CRISPLD1: variants seen among roughly 807,000 people sequenced by gnomAD.
CRISPLD1 encodes the protein cysteine-rich secretory protein LCCL domain-containing 1.
In CRISPLD1, 60 loss-of-function variants were observed where a neutral mutation model predicts 77.5. The observed-to-expected ratio is 0.77, with a 90% confidence interval of 0.63 to 0.96. The LOEUF (loss-of-function observed/expected upper bound fraction) is 0.96, where lower values mean the gene tolerates loss of function less well. CRISPLD1 is among the 40% of genes least tolerant of loss of function. The pLI, the probability that CRISPLD1 is intolerant of heterozygous loss-of-function variation, is 0.00. For missense variants in CRISPLD1, 623 were observed against 615.8 expected, an observed-to-expected ratio of 1.01 and a Z score of -0.12; for synonymous variants, 195 against 200.1, an observed-to-expected ratio of 0.97 and a Z score of 0.22.
intron 3 of CRISPLD1, 40 bp from the exon 4 acceptor site, chr8:75,012,850 C>A: frequency 6.3e-7 from 1 of 1,575,138 alleles, no homozygotes. Flanking sequence ...GTATTTTCTC[C>A]AACTTTGCTT....
intron 12 of CRISPLD1, among the ~76,000 whole-genome samples, chr8:75,024,175 G>T (rs1813192798): frequency 6.6e-6 from 1 of 152,178 alleles, no homozygotes; most frequent in African/African-American, 2.4e-5. Context: ...TGGGAAAGGA[G>T]TAAGATATAA....
In CRISPLD1 at chr8:75,014,119, C is replaced by G; in HGVS notation, c.626+17C>G. Reference sequence around the variant, plus strand: ...CTCCCCAAAGTGAGTAGACAAAACACTACGTTCAGATGTACATTTTTCTTA... The same window carrying G: ...CTCCCCAAAGTGAGTAGACAAAACAGTACGTTCAGATGTACATTTTTCTTA... On this transcript the variant is annotated intron_variant, in intron 5 of 14. Transcript: ENST00000262207. 1 of 1,446,360 alleles carries G rather than the reference C, an allele frequency of 6.9e-7. No homozygotes were observed. Among genetic ancestry groups the G allele is most frequent in the South Asian group, 1.1e-5 (1 of 87,646 alleles). 89.6% of individuals were successfully genotyped at this position (1,446,360 alleles called of 1,614,324 possible).
Position 74,985,938 on chromosome 8 carries a change from G to A in CRISPLD1, c.-50G>A, listed in dbSNP as rs761140838. ...CATGTCGTTATAGCCAAAAGGAGTG[G>A]AAGAGCCTGTCTTGGAGATTTTCCT... On this transcript the variant is annotated 5_prime_UTR_variant, in exon 2 of 15. Transcript: ENST00000262207. The A allele has an allele frequency of 6.4e-7, 1 of 1,571,226 alleles. No homozygotes were observed. Among genetic ancestry groups the A allele is most frequent in the South Asian group, 1.2e-5 (1 of 84,780 alleles).
intron 12 of CRISPLD1, among the ~76,000 whole-genome samples, chr8:75,024,370 G>T (rs1813197039): frequency 6.6e-6 from 1 of 152,116 alleles, no homozygotes; most frequent in Non-Finnish European, 1.5e-5. Context: ...GTGTTGCCCA[G>T]GCTGGAGTGC....
intron 2 of CRISPLD1, among the ~76,000 whole-genome samples, chr8:74,997,522 G>C (rs538397973): frequency 6.6e-6 from 1 of 152,170 alleles, no homozygotes; most frequent in Admixed American, 6.5e-5. Context: ...TGAGTGGTGG[G>C]ACACAGGTAA....
At chr8:74,998,455 G>A (rs1223280943) in intron 2 of CRISPLD1, among the ~76,000 whole-genome samples, 1 of 152,012 alleles carries the variant, frequency 6.6e-6, no homozygotes, top group African/African-American at 2.4e-5. Flanking sequence ...CTTGGTTGCT[G>A]AGGCAGGTGG....
intron 2 of CRISPLD1, among the ~76,000 whole-genome samples, chr8:75,003,477 A>G (rs544661199): frequency 6.6e-6 from 1 of 152,336 alleles, no homozygotes; most frequent in Admixed American, 6.5e-5. Flanking sequence ...TAAAACATAA[A>G]CTAATTCATA....
intron 6 of CRISPLD1, 86 bp downstream of exon 6, chr8:75,014,998 G>A: frequency 2.6e-6 from 2 of 766,056 alleles, no homozygotes; most frequent in Admixed American, 3.7e-5. Flanking sequence ...AGCCAGAAGT[G>A]CACTTAATGA....
At chr8:75,001,473 T>A (rs1196039362) in intron 2 of CRISPLD1, among the ~76,000 whole-genome samples, 1 of 152,274 alleles carries the variant, frequency 6.6e-6, no homozygotes, top group South Asian at 2.1e-4. Context: ...TAAGTCACAG[T>A]ATGGTAAGAA....
chr8:75,012,965 A>G lies in CRISPLD1; in HGVS notation c.453A>G (p.Glu151=), dbSNP rs769563591. ...ACTTTAGCTACCCATATGAACATGA[A>G]TGCAACCCATATTGTCCATTCAGGT... ...VKDFSYPYEH[E]CNPYCPFRCS... The change falls in exon 4 of 15, where the codon GAA becomes GAG. Residue 151 remains glutamate, a synonymous_variant. Transcript: ENST00000262207. 4.3e-6 allele frequency: 7 copies of G among 1,612,908 alleles called. No homozygotes were observed. The highest frequency in any genetic ancestry group is 1.1e-5 in the South Asian group (1 of 91,020).
chr8:74,988,545 T>C (rs1454324672), intron 2 of CRISPLD1, among the ~76,000 whole-genome samples: 1 of 152,148 alleles, frequency 6.6e-6, no homozygotes, highest in East Asian at 1.9e-4. Flanking sequence ...GGGTTAAAAA[T>C]TGAGTCTGGG....
chr8:75,004,926 C>G (rs1812803160), intron 2 of CRISPLD1, among the ~76,000 whole-genome samples: 1 of 152,018 alleles, frequency 6.6e-6, no homozygotes, highest in African/African-American at 2.4e-5. Context: ...CTGTTTTTAA[C>G]TTTTTATTAA....
chr8:75,016,248 C>A (rs1236398411), intron 6 of CRISPLD1, among the ~76,000 whole-genome samples: 1 of 152,110 alleles, frequency 6.6e-6, no homozygotes, highest in African/African-American at 2.4e-5. Flanking sequence ...CTTATTAGAT[C>A]ACTGTGTAGA....
At position 75,032,668 on chromosome 8, in the gene CRISPLD1, C is replaced by T. The variant is rs1445564794; in HGVS notation, c.*426C>T. 2.6e-5 allele frequency: 4 copies of T among 152,900 alleles called. No homozygotes were observed. The East Asian group carries it at 7.7e-4, about 29-fold the overall frequency. 9.5% of individuals were successfully genotyped at this position (152,900 alleles called of 1,614,324 possible). On this transcript the variant is annotated 3_prime_UTR_variant, in exon 15 of 15. Transcript: ENST00000262207. ...ACTGAAAGAAACCTTATCACATTTT[C>T]CCCAGTTCAATGCTATGCCATTACC...
chr8:75,025,658 G>GTA (rs760238731), intron 13 of CRISPLD1, 37 bp downstream of exon 13: 3 of 1,036,668 alleles, frequency 2.9e-6, no homozygotes, highest in African/African-American at 1.6e-5. Flanking sequence ...CAACATTCAT[G>GTA]TATATATATA....
intron 14 of CRISPLD1, among the ~76,000 whole-genome samples, chr8:75,029,746 C>A (rs1051041785): frequency 6.6e-6 from 1 of 152,098 alleles, no homozygotes; most frequent in South Asian, 2.1e-4. Flanking sequence ...ACATGAAAAT[C>A]GGATTACAAG....
intron 10 of CRISPLD1, 149 bp downstream of exon 10, chr8:75,017,599 CA>C (rs1486910654): frequency 1.4e-6 from 1 of 721,858 alleles, no homozygotes; most frequent in Non-Finnish European, 2.1e-6. Flanking sequence ...TTTTCTTAGA[CA>C]AAAAGAAGAT....
intron 14 of CRISPLD1, 149 bp downstream of exon 14, chr8:75,029,666 G>C: frequency 1.4e-6 from 1 of 708,164 alleles, no homozygotes; most frequent in Non-Finnish European, 2.2e-6. Flanking sequence ...TTGTGTACCA[G>C]TCAGCCTTCC....
chr8:75,003,152 TC>T (rs1458460610), intron 2 of CRISPLD1, among the ~76,000 whole-genome samples: 1 of 152,216 alleles, frequency 6.6e-6, no homozygotes, highest in Non-Finnish European at 1.5e-5. Context: ...TGGAAACTTA[TC>T]ACAGAATTGT....
Sources: allele counts gnomAD v4.1 joint callset (sites outside exome capture counted in the v4.1 genomes callset), GRCh38; gene constraint gnomAD v4.1.1; transcripts MANE v1.5; gene names NCBI Gene and HGNC (gene_info 2026-07-23, HGNC 2026-07-21).